KIF26B: variants seen among roughly 807,000 people sequenced by gnomAD.
KIF26B encodes kinesin family member 26B.
KIF26B carries 63 observed loss-of-function variants against 151.2 expected under a neutral mutation model. The ratio of observed to expected loss-of-function variants is 0.42; its 90% CI spans 0.34 to 0.51. The LOEUF (loss-of-function observed/expected upper bound fraction) is 0.51. KIF26B is among the 20% of genes least tolerant of loss of function. The pLI is 0.07. For synonymous variants in KIF26B, 1,357 were observed against 1,262.1 expected (o/e 1.08, Z -1.59); for missense variants, 2,813 against 2,913.6 (o/e 0.97, Z 0.79).
At chr1:245,587,822 G>C (rs1047114594) in intron 5 of KIF26B, among the ~76,000 whole-genome samples, 2 of 152,224 alleles carry the variant, frequency 1.3e-5, no homozygotes, top group Non-Finnish European at 2.9e-5. Context: ...TTGGAGGAAA[G>C]CTGATTCCGT....
chr1:245,557,548 C>T (rs1042763874), intron 5 of KIF26B, among the ~76,000 whole-genome samples: 14 of 152,100 alleles, frequency 9.2e-5, no homozygotes, highest in Non-Finnish European at 1.5e-4. Context: ...GTATGAGGCC[C>T]GGTTTGGGGC....
At chr1:245,262,109 T>C (rs1403650734) in intron 2 of KIF26B, among the ~76,000 whole-genome samples, 2 of 152,184 alleles carry the variant, frequency 1.3e-5, no homozygotes, top group Non-Finnish European at 2.9e-5. Flanking sequence ...AGATCGGGCA[T>C]GTCTTTGTGT....
At chr1:245,612,115 A>T (rs903449785) in intron 9 of KIF26B, 139 bp downstream of exon 9, 38 of 766,888 alleles carry the variant, frequency 5.0e-5, no homozygotes, top group African/African-American at 2.3e-4. Context: ...TGAGAGAGAG[A>T]GAGAGAGAGA....
Position 245,360,168 on chromosome 1 carries a change from C to A in KIF26B, c.466-6666C>A, listed in dbSNP as rs144596446. Reference sequence around the variant, plus strand: ...GATTACAGGTGTGAGCCACTGCACCCGGGCTGATTTAAGAGGGCTTTGACT... The same window carrying A: ...GATTACAGGTGTGAGCCACTGCACCAGGGCTGATTTAAGAGGGCTTTGACT... On this transcript the variant is annotated intron_variant, in intron 2 of 14. Transcript: ENST00000407071. Among the ~76,000 whole-genome samples the A allele has an allele frequency of 6.6e-3, 1,008 of 152,176 alleles. 10 individuals carry two copies. Among genetic ancestry groups the A allele is most frequent in the African/African-American group, 0.023 (953 of 41,516 alleles).
At chr1:245,363,160 A>G (rs1464171737) in intron 2 of KIF26B, among the ~76,000 whole-genome samples, 4 of 152,188 alleles carry the variant, frequency 2.6e-5, no homozygotes, top group African/African-American at 9.6e-5. Context: ...AAAGCATGGT[A>G]TAATTCGAGG....
chr1:245,412,125 T>G (rs910625079), intron 3 of KIF26B, among the ~76,000 whole-genome samples: 2 of 152,328 alleles, frequency 1.3e-5, no homozygotes, highest in African/African-American at 4.8e-5. Context: ...GGTTTACAAA[T>G]TAGCTGTGGA....
rs139656492 is a variant in KIF26B at position 245,323,140 on chromosome 1, C to A, written c.466-43694C>A. ...TTATATAGCTTGTATATAAGTATCTCTATTCCTATTATCTTATTAATGTTC... is the reference window on the plus strand; with the variant it reads ...TTATATAGCTTGTATATAAGTATCTATATTCCTATTATCTTATTAATGTTC... On this transcript the variant is annotated intron_variant, in intron 2 of 14. Coordinates refer to ENST00000407071, the MANE Select transcript of KIF26B (RefSeq NM_018012.4). Among the ~76,000 whole-genome samples, 634 of 152,310 alleles carry A rather than the reference C, an allele frequency of 4.2e-3. 2 individuals are homozygous for A. Among genetic ancestry groups the A allele is most frequent in the African/African-American group, 0.015 (612 of 41,570 alleles).
chr1:245,368,064 C>T (rs1268682769), intron 3 of KIF26B, among the ~76,000 whole-genome samples: 4 of 152,152 alleles, frequency 2.6e-5, no homozygotes, highest in East Asian at 1.9e-4. Context: ...AACAGTGATC[C>T]GTGTTGGCAC....
intron 2 of KIF26B, among the ~76,000 whole-genome samples, chr1:245,338,231 G>T (rs1358690489): frequency 6.6e-6 from 1 of 152,198 alleles, no homozygotes; most frequent in Non-Finnish European, 1.5e-5. Context: ...GTTTCTTAAA[G>T]AGTACAGGCT....
intron 2 of KIF26B, among the ~76,000 whole-genome samples, chr1:245,303,440 C>A (rs560724969): frequency 2.0e-5 from 3 of 150,630 alleles, no homozygotes; most frequent in Non-Finnish European, 4.4e-5. Flanking sequence ...CCTCGTGATC[C>A]GCCCGCCTCG....
chr1:245,625,524 A>C (rs1279655620), intron 9 of KIF26B, among the ~76,000 whole-genome samples: 2 of 152,204 alleles, frequency 1.3e-5, no homozygotes, highest in African/African-American at 2.4e-5. Flanking sequence ...ATAATTACAC[A>C]TATTTATGGG....
Position 245,698,892 on chromosome 1 carries a change from CA to C in KIF26B, c.6034del (p.Met2012CysfsTer7). 1 of 1,613,560 alleles carries C rather than the reference CA, an allele frequency of 6.2e-7. No individual in the cohort carries two copies. The highest frequency in any genetic ancestry group is 8.5e-7 in the Non-Finnish European group (1 of 1,179,640). On this transcript the variant is annotated frameshift_variant, in exon 14 of 15. Coordinates refer to ENST00000407071, the MANE Select transcript of KIF26B (RefSeq NM_018012.4). LOFTEE classifies it high-confidence loss of function. The surrounding 1 kb of genome is among the most constrained non-coding windows in gnomAD (Gnocchi z 4.0). ...CCTCTCTGTCTGTGTGCTAGGAGGCCATGTGCTTCAATGCAAAGCTGAAGAT... is the reference window on the plus strand; with the variant it reads ...CCTCTCTGTCTGTGTGCTAGGAGGCCTGTGCTTCAATGCAAAGCTGAAGAT... ...RRRGGASKEA[M>X]CFNAKLKILE... is the part of the protein sequence containing the mutation.
At chr1:245,505,024 C>T (rs12730321) in intron 4 of KIF26B, among the ~76,000 whole-genome samples, 8,445 of 150,276 alleles carry the variant, frequency 0.056, 323 homozygotes, top group African/African-American at 0.093. Context: ...CTGCAACCTC[C>T]GCCTCCCGGG....
At position 245,173,146 on chromosome 1, in the gene KIF26B, C is replaced by G. The variant is rs145977438; in HGVS notation, c.465+16463C>G. Among the ~76,000 whole-genome samples the G allele has an allele frequency of 6.4e-3, 980 of 152,200 alleles. 8 individuals carry two copies. The highest frequency in any genetic ancestry group is 0.022 in the African/African-American group (915 of 41,530). ...ATTATGCCAAGTGAAATAAGCCAGT[C>G]ACAAAGACAAATATTATATGATTCT... On this transcript the variant is annotated intron_variant, in intron 2 of 14. Transcript: ENST00000407071.
intron 2 of KIF26B, among the ~76,000 whole-genome samples, chr1:245,314,858 A>G (rs1402688215): frequency 6.6e-6 from 1 of 152,224 alleles, no homozygotes; most frequent in Non-Finnish European, 1.5e-5. Flanking sequence ...ATTAATGGTA[A>G]AATGCTATTA....
At chr1:245,603,453 G>A (rs559674433) in intron 6 of KIF26B, among the ~76,000 whole-genome samples, 12 of 152,262 alleles carry the variant, frequency 7.9e-5, no homozygotes, top group African/African-American at 2.6e-4. Flanking sequence ...TCCTAGCTCA[G>A]CTCATTTTTA....
chr1:245,362,732 C>T (rs915576424), intron 2 of KIF26B, among the ~76,000 whole-genome samples: 2 of 152,130 alleles, frequency 1.3e-5, no homozygotes, highest in East Asian at 3.8e-4. Flanking sequence ...CCTCAGCCTC[C>T]CAAAGTGCTG....
chr1:245,621,858 T>C (rs993006572), intron 9 of KIF26B, among the ~76,000 whole-genome samples: 4 of 152,244 alleles, frequency 2.6e-5, no homozygotes, highest in African/African-American at 9.6e-5. Context: ...AGATTTTCCA[T>C]TGTCTAAATG....
chr1:245,641,564 C>G (rs2043892480), intron 9 of KIF26B, among the ~76,000 whole-genome samples: 3 of 151,852 alleles, frequency 2.0e-5, no homozygotes, highest in African/African-American at 7.2e-5. Context: ...TTCAAATAGT[C>G]TTGTCTTTGA....
Sources: gnomAD v4.1 joint callset for allele counts (sites outside exome capture counted in the v4.1 genomes callset) on GRCh38, gnomAD v4.1.1 for gene constraint, Gnocchi (gnomAD v3.1) non-coding constraint, MANE v1.5 for transcripts, NCBI Gene and HGNC (gene_info 2026-07-23, HGNC 2026-07-21) for gene names.